Variants in PRRC2B observed in about 807,000 individuals in gnomAD.
The protein encoded by PRRC2B is protein PRRC2B.
PRRC2B carries 68 observed loss-of-function variants against 242.3 expected under a neutral mutation model. The observed-to-expected ratio is 0.28, with a 90% CI of 0.23 to 0.34. The LOEUF (loss-of-function observed/expected upper bound fraction) is 0.34, where lower values mean the gene tolerates loss of function less well. PRRC2B is among the 10% of genes least tolerant of loss of function. The pLI is 1.00. For missense variants in PRRC2B, 2,835 were observed against 2,954.8 expected, an observed-to-expected ratio of 0.96 and a Z score of 0.94; for synonymous variants, 1,228 against 1,173.6, an observed-to-expected ratio of 1.05 and a Z score of -0.95.
At chr9:131,416,645 C>T (rs1002897772) in intron 1 of PRRC2B, among the ~76,000 whole-genome samples, 11 of 150,820 alleles carry the variant, frequency 7.3e-5, no homozygotes, top group Admixed American at 7.3e-4. Flanking sequence ...TTCTAGGATG[C>T]CACATTAAAT....
At chr9:131,492,082 A>G in intron 29 of PRRC2B, 87 bp from the exon 30 acceptor site, 2 of 1,034,770 alleles carry the variant, frequency 1.9e-6, no homozygotes, top group Non-Finnish European at 3.0e-6. Flanking sequence ...GGCCCTCACC[A>G]CCTCTGCCCT....
chr9:131,472,177 G>A (rs938215125), intron 14 of PRRC2B, among the ~76,000 whole-genome samples: 3 of 152,084 alleles, frequency 2.0e-5, no homozygotes, highest in Non-Finnish European at 4.4e-5. Flanking sequence ...TTTACTGTTA[G>A]CCTCTTTGAG....
At position 131,485,026 on chromosome 9, in the gene PRRC2B, A is replaced by G. The variant is rs770598149; in HGVS notation, c.5644A>G (p.Ile1882Val). ...QSSPGGAGSG[I>V]QPPSSVGASS... ...CTCTCCAGGCGGCGCTGGCTCAGGCATCCAGCCTCCATCCTCTGTGGGTGC... is the reference window on the plus strand; with the variant it reads ...CTCTCCAGGCGGCGCTGGCTCAGGCGTCCAGCCTCCATCCTCTGTGGGTGC... The change falls in exon 25 of 32, where the codon ATC becomes GTC. Residue 1882 changes from isoleucine to valine, a missense_variant. By Grantham distance (29) the Ile-to-Val change is conservative (BLOSUM62 3). Transcript: ENST00000683519. 3 of 1,612,760 alleles carry G rather than the reference A, an allele frequency of 1.9e-6. No individual in the cohort carries two copies. Among genetic ancestry groups the G allele is most frequent in the South Asian group, 1.1e-5 (1 of 90,754 alleles).
Position 131,446,851 on chromosome 9 carries a change from G to C in PRRC2B, c.855+209G>C, listed in dbSNP as rs1455123505. ...CCCTGGTGATGTGGATATGATTTTA[G>C]CCTTTGGTTCTTTAGAAACAGGAGA... is the stretch of plus-strand genomic sequence containing the variant. On this transcript the variant is annotated intron_variant, in intron 7 of 31. Transcript: ENST00000683519. This position sits in a 1 kb window ranked among gnomAD's most constrained non-coding sequence, Gnocchi z 4.1. 1.3e-5 allele frequency among the ~76,000 whole-genome samples: 2 copies of C among 152,102 alleles called. No individual in the cohort carries two copies. The highest frequency in any genetic ancestry group is 4.8e-5 in the African/African-American group (2 of 41,424).
chr9:131,448,877 A>G (rs773780604), intron 9 of PRRC2B, among the ~76,000 whole-genome samples: 20 of 152,174 alleles, frequency 1.3e-4, no homozygotes, highest in Non-Finnish European at 2.6e-4. Context: ...GGATACGTGT[A>G]TATCACACAC....
At chr9:131,423,593 T>G (rs1470620119) in intron 1 of PRRC2B, among the ~76,000 whole-genome samples, 1 of 152,202 alleles carries the variant, frequency 6.6e-6, no homozygotes, top group East Asian at 1.9e-4. Flanking sequence ...TGGAGTTGTG[T>G]CCAGTGAAAG....
At position 131,482,590 on chromosome 9, in the gene PRRC2B, C is replaced by T; in HGVS notation, c.5175+28C>T. On this transcript the variant is annotated intron_variant, in intron 21 of 31. Transcript: ENST00000683519. This position sits in a 1 kb window ranked among gnomAD's most constrained non-coding sequence, Gnocchi z 5.2. ...AACCTGGACGTTCCAGTCACAGTGG[C>T]CAGGGCCTGGGTGGAAGGGGCCATC... The T allele has an allele frequency of 1.3e-6, 2 of 1,567,778 alleles. No homozygotes were observed. Among genetic ancestry groups the T allele is most frequent in the Admixed American group, 3.7e-5 (2 of 54,178 alleles).
chr9:131,376,084 C>G (rs1397108192), intron 1 of PRRC2B, among the ~76,000 whole-genome samples: 2 of 149,020 alleles, frequency 1.3e-5, no homozygotes, highest in East Asian at 2.0e-4. Context: ...CATGGTGGCT[C>G]ACGTCTGTAA....
intron 9 of PRRC2B, among the ~76,000 whole-genome samples, chr9:131,453,824 G>A (rs1449156259): frequency 6.6e-6 from 1 of 152,108 alleles, no homozygotes; most frequent in South Asian, 2.1e-4. Flanking sequence ...GAGCCACTGT[G>A]AATTATATGA....
At chr9:131,385,057 G>C (rs1156610212) in intron 1 of PRRC2B, among the ~76,000 whole-genome samples, 1 of 151,836 alleles carries the variant, frequency 6.6e-6, no homozygotes, top group African/African-American at 2.4e-5. Context: ...GCCCAGGCTG[G>C]AGTGCAATGG....
In PRRC2B at chr9:131,446,560, C is replaced by G; in HGVS notation, c.773C>G (p.Ala258Gly). ...TCTAAGGACCCCTCTCTCCGCCCGG[C>G]TCAGCCTGTCCGAAAAGGGGCTTCA... ...SDSKDPSLRP[A>G]QPVRKGASQF... Residue 258 changes from alanine to glycine, a missense_variant, in exon 7 of 32, where the codon GCT becomes GGT. Transcript: ENST00000683519. This position sits in a 1 kb window ranked among gnomAD's most constrained non-coding sequence, Gnocchi z 4.1. The G allele has an allele frequency of 6.2e-7, 1 of 1,613,984 alleles. No homozygotes were observed. The highest frequency in any genetic ancestry group is 1.7e-5 in the Admixed American group (1 of 60,010).
At chr9:131,409,268 C>T (rs1271574633) in intron 1 of PRRC2B, among the ~76,000 whole-genome samples, 4 of 152,200 alleles carry the variant, frequency 2.6e-5, no homozygotes, top group Admixed American at 6.5e-5. Flanking sequence ...GTGATCTGCC[C>T]GTCTTGGCCT....
chr9:131,390,401 G>A (rs1016162232), upstream of PRRC2B, among the ~76,000 whole-genome samples: 1 of 148,466 alleles, frequency 6.7e-6, no homozygotes, highest in Admixed American at 7.1e-5. Flanking sequence ...TCTCCATGAG[G>A]ATGGTCAGGG....
In PRRC2B at chr9:131,475,068, G is replaced by A; in HGVS notation, c.2939G>A (p.Ser980Asn). The change falls in exon 16 of 32, where the codon AGC becomes AAC. Residue 980 changes from serine to asparagine, a missense_variant. Physicochemically the swap from Ser to Asn is conservative, Grantham distance 46. This residue lies in a region of PRRC2B where 1,536 missense variants were observed against 1,483.1 expected (regional missense o/e 1.04). Transcript: ENST00000683519. ...CGGCTGGCCAAGGAGAAGGAGCAGA[G>A]CCCCACGGCAGAAAAGGATGAGGAC... is the stretch of plus-strand genomic sequence containing the variant. ...STRLAKEKEQ[S>N]PTAEKDEDEE... 6.2e-7 allele frequency: 1 copy of A among 1,611,048 alleles called. No homozygotes were observed. The highest frequency in any genetic ancestry group is 1.1e-5 in the South Asian group (1 of 90,404).
At chr9:131,439,101 G>A in intron 5 of PRRC2B, 40 bp downstream of exon 5, 1 of 1,572,460 alleles carries the variant, frequency 6.4e-7, no homozygotes, top group Non-Finnish European at 8.7e-7. Context: ...GGACGCTGGG[G>A]AGAGGGAGGT....
At chr9:131,489,659 C>G (rs1028103948) in intron 28 of PRRC2B, among the ~76,000 whole-genome samples, 3 of 152,184 alleles carry the variant, frequency 2.0e-5, no homozygotes, top group African/African-American at 7.2e-5. Context: ...CACCCATGAC[C>G]TCCCTTTCTG....
At position 131,494,340 on chromosome 9, in the gene PRRC2B, G is replaced by C. The variant is rs1944273820; in HGVS notation, c.6474-65G>C. ...TTCCTTGTGCCTCCTCCATGTGCTAGGCTTTGACTCCATTTCTGTGGTGAC... is the reference window on the plus strand; with the variant it reads ...TTCCTTGTGCCTCCTCCATGTGCTACGCTTTGACTCCATTTCTGTGGTGAC... On this transcript the variant is annotated intron_variant, in intron 30 of 31. Transcript: ENST00000683519. This position sits in a 1 kb window ranked among gnomAD's most constrained non-coding sequence, Gnocchi z 4.3. 3 of 865,150 alleles carry C rather than the reference G, an allele frequency of 3.5e-6. No individual in the cohort carries two copies. The highest frequency in any genetic ancestry group is 2.7e-5 in the East Asian group (1 of 37,552). The allele number at this position is 865,150 out of a possible 1,614,324, so 53.6% of individuals were successfully genotyped here.
chr9:131,389,523 A>C (rs1278840745), upstream of PRRC2B, among the ~76,000 whole-genome samples: 1 of 150,634 alleles, frequency 6.6e-6, no homozygotes, highest in Non-Finnish European at 1.5e-5. Context: ...TCAAAACACC[A>C]GGTATGTTTT....
intron 1 of PRRC2B, among the ~76,000 whole-genome samples, chr9:131,422,321 G>A (rs950769316): frequency 3.9e-5 from 6 of 152,304 alleles, no homozygotes; most frequent in African/African-American, 1.4e-4. Context: ...CCAAAGCACT[G>A]GGATTACAGG....
Sources: gnomAD v4.1 joint callset for allele counts (sites outside exome capture counted in the v4.1 genomes callset) on GRCh38, gnomAD v4.1.1 for gene constraint, gnomAD v4.1.1 regional missense constraint, Gnocchi (gnomAD v3.1) non-coding constraint, MANE v1.5 for transcripts, NCBI Gene and HGNC (gene_info 2026-07-23, HGNC 2026-07-21) for gene names.